KCNN2: variants seen among roughly 807,000 people sequenced by gnomAD.
KCNN2 encodes the protein small conductance calcium-activated potassium channel protein 2.
KCNN2 carries 24 observed loss-of-function variants against 55.5 expected under a neutral mutation model. The ratio of observed to expected loss-of-function variants is 0.43; its 90% CI spans 0.31 to 0.61. The LOEUF is 0.61. Ranked by LOEUF, KCNN2 falls within the 20% of genes least tolerant of loss-of-function variation. The pLI is 0.08. For missense variants in KCNN2, 754 were observed against 853.6 expected, an observed-to-expected ratio of 0.88 and a Z score of 1.45; for synonymous variants, 431 against 336.1, an observed-to-expected ratio of 1.28 and a Z score of -3.09.
intron 3 of KCNN2, among the ~76,000 whole-genome samples, chr5:114,410,200 C>T (rs1232460404): frequency 6.6e-6 from 1 of 152,176 alleles, no homozygotes; most frequent in East Asian, 1.9e-4. Context: ...AAACTCAGAG[C>T]TTGGGGTCCT....
At chr5:114,075,676 C>T (rs936442263) in intron 1 of KCNN2, among the ~76,000 whole-genome samples, 1 of 152,188 alleles carries the variant, frequency 6.6e-6, no homozygotes. Context: ...AGGTAGGGCC[C>T]ATGTCCTTAT....
intron 1 of KCNN2, among the ~76,000 whole-genome samples, chr5:114,073,689 C>G (rs1401905642): frequency 1.3e-5 from 2 of 152,164 alleles, no homozygotes; most frequent in Non-Finnish European, 2.9e-5. Context: ...GTCCTTGAGA[C>G]TTTGAGAGCT....
At chr5:114,418,145 AGT>A (rs1759363536) in intron 3 of KCNN2, among the ~76,000 whole-genome samples, 1 of 152,234 alleles carries the variant, frequency 6.6e-6, no homozygotes, top group African/African-American at 2.4e-5. Context: ...TTATACATTA[AGT>A]GTGAAAAAAA....
Position 114,496,279 on chromosome 5 carries a change from T to C in KCNN2, c.*97T>C, listed in dbSNP as rs1449640289. 20 of 1,324,036 alleles carry C rather than the reference T, an allele frequency of 1.5e-5. No individual in the cohort carries two copies. Among genetic ancestry groups the C allele is most frequent in the Non-Finnish European group, 2.1e-5 (20 of 975,256 alleles). 82.0% of individuals were successfully genotyped at this position (1,324,036 alleles called of 1,614,324 possible). A position where few individuals can be genotyped will look rare whatever the true frequency, so the allele number is the denominator to read the frequency against. ...GCCCCTATGGTTCTAATCAGCGTTA[T>C]CCGGGTTCTGATGTCAGAATCCTGG... On this transcript the variant is annotated 3_prime_UTR_variant, in exon 8 of 8. Coordinates refer to ENST00000673685, the MANE Select transcript of KCNN2 (RefSeq NM_021614.4).
chr5:114,398,926 A>G (rs966994282), intron 2 of KCNN2, among the ~76,000 whole-genome samples: 1 of 152,104 alleles, frequency 6.6e-6, no homozygotes, highest in Non-Finnish European at 1.5e-5. Context: ...TGTTTATTAA[A>G]TCATTGAACT....
At chr5:114,112,200 C>T (rs1314736286) in intron 1 of KCNN2, among the ~76,000 whole-genome samples, 1 of 152,076 alleles carries the variant, frequency 6.6e-6, no homozygotes, top group Non-Finnish European at 1.5e-5. Context: ...AAGCTGGAAA[C>T]CATCATTTTC....
At chr5:114,359,074 G>A (rs1426994766), upstream of KCNN2, among the ~76,000 whole-genome samples, 1 of 152,160 alleles carries the variant, frequency 6.6e-6, no homozygotes, top group African/African-American at 2.4e-5. Context: ...TTAGCAAGAC[G>A]GCTGAGTGTG....
intron 2 of KCNN2, among the ~76,000 whole-genome samples, chr5:114,295,265 T>C (rs1186024405): frequency 2.0e-5 from 3 of 152,228 alleles, no homozygotes; most frequent in Non-Finnish European, 4.4e-5. Flanking sequence ...CAGAGGTTAC[T>C]GCTGTCTTTT....
intron 1 of KCNN2, among the ~76,000 whole-genome samples, chr5:114,090,220 A>G (rs1051793496): frequency 6.6e-6 from 1 of 152,170 alleles, no homozygotes; most frequent in Non-Finnish European, 1.5e-5. Flanking sequence ...AAGTCAGGAA[A>G]ATCTCCAAGT....
chr5:114,399,918 G>GT (rs573469798), intron 2 of KCNN2, among the ~76,000 whole-genome samples: 9,154 of 129,368 alleles, frequency 0.071, 508 homozygotes, highest in African/African-American at 0.18. Context: ...GCCTTTGAGG[G>GT]TTTTTTTTTT....
rs547164412 is a variant in KCNN2, at chr5:114,127,207, G to C, written c.-271+70707G>C. Among the ~76,000 whole-genome samples the C allele has an allele frequency of 1.5e-4, 23 of 152,260 alleles. No individual in the cohort carries two copies. The South Asian group carries it at 3.7e-3, about 25-fold the overall frequency. On this transcript the variant is annotated intron_variant, in intron 1 of 10. Coordinates refer to the KCNN2 transcript ENST00000512097. ...TCTCACAGCCCCACTAAGCATTGTA[G>C]TGGGAACTCTGTGTAGGGGCTGGGG...
chr5:114,242,919 C>T (rs1754673154), intron 2 of KCNN2, among the ~76,000 whole-genome samples: 1 of 152,136 alleles, frequency 6.6e-6, no homozygotes, highest in Non-Finnish European at 1.5e-5. Flanking sequence ...TTGTTTGGGA[C>T]TCATTCATTC....
In KCNN2 at chr5:114,496,191, A is replaced by G. The variant is rs769064600; in HGVS notation, c.*9A>G. The G allele has an allele frequency of 1.9e-5, 30 of 1,611,724 alleles. No individual in the cohort carries two copies. In the East Asian group the frequency reaches 5.6e-4, roughly 30 times the overall value. ...CATCAGAGAGTAGCTAGAAGAGAATAAGTTAACCACAAAATAAGACTTTTT... is the reference window on the plus strand; with the variant it reads ...CATCAGAGAGTAGCTAGAAGAGAATGAGTTAACCACAAAATAAGACTTTTT... On this transcript the variant is annotated 3_prime_UTR_variant, in exon 8 of 8. Coordinates refer to ENST00000673685, the MANE Select transcript of KCNN2 (RefSeq NM_021614.4).
chr5:114,422,164 T>A (rs1759490060), intron 3 of KCNN2, among the ~76,000 whole-genome samples: 1 of 152,188 alleles, frequency 6.6e-6, no homozygotes, highest in African/African-American at 2.4e-5. Flanking sequence ...AGGAGATGTC[T>A]CAAATCAAGG....
rs1759214908 is a variant in KCNN2, at chr5:114,413,877, A to T, written c.1637+9021A>T. ...TCTGACTTTGAAAATCCCTGTAATT[A>T]TCCATATATACATCAGCAGCATGCA... On this transcript the variant is annotated intron_variant, in intron 3 of 7. Coordinates refer to ENST00000673685, the MANE Select transcript of KCNN2 (RefSeq NM_021614.4). Among the ~76,000 whole-genome samples, 9 of 152,246 alleles carry T rather than the reference A, an allele frequency of 5.9e-5. No individual in the cohort carries two copies. The South Asian group carries it at 1.7e-3, about 28-fold the overall frequency.
intron 2 of KCNN2, among the ~76,000 whole-genome samples, chr5:114,394,880 C>T (rs113928805): frequency 6.6e-6 from 1 of 152,116 alleles, no homozygotes; most frequent in Non-Finnish European, 1.5e-5. Flanking sequence ...TAATGATTAA[C>T]TTATGTTTTA....
chr5:114,442,301 A>T (rs1391935523), intron 3 of KCNN2, among the ~76,000 whole-genome samples: 1 of 151,662 alleles, frequency 6.6e-6, no homozygotes, highest in Non-Finnish European at 1.5e-5. Flanking sequence ...GAGAGAGTCA[A>T]TATTTGTAAA....
At chr5:114,366,930 A>G (rs1309085658) in intron 2 of KCNN2, among the ~76,000 whole-genome samples, 1 of 152,250 alleles carries the variant, frequency 6.6e-6, no homozygotes, top group African/African-American at 2.4e-5. Context: ...TTAGCATATC[A>G]GTATGATAAT....
chr5:114,226,444 T>G (rs1400533518), intron 2 of KCNN2, among the ~76,000 whole-genome samples: 1 of 152,220 alleles, frequency 6.6e-6, no homozygotes, highest in African/African-American at 2.4e-5. Context: ...GCCATTTATT[T>G]TAACAATGTG....
Sources: allele counts gnomAD v4.1 joint callset (sites outside exome capture counted in the v4.1 genomes callset), GRCh38; gene constraint gnomAD v4.1.1; transcripts MANE v1.5; gene names NCBI Gene and HGNC (gene_info 2026-07-23, HGNC 2026-07-21).